PARN: variants seen among roughly 807,000 people sequenced by gnomAD.
PARN encodes poly(A)-specific ribonuclease.
A neutral mutation model predicts 102.8 loss-of-function variants in PARN; 71 were observed. That is an observed-to-expected ratio of 0.69 (90% CI 0.57 to 0.84). The LOEUF (loss-of-function observed/expected upper bound fraction) is 0.84. PARN is among the 40% of genes least tolerant of loss of function. PARN has a pLI of 0.00. For missense variants in PARN, 782 were observed against 760.9 expected (o/e 1.03, Z -0.33); for synonymous variants, 261 against 252.9 (o/e 1.03, Z -0.30).
At chr16:14,561,216 A>T (rs908880302) in intron 18 of PARN, among the ~76,000 whole-genome samples, 1 of 152,060 alleles carries the variant, frequency 6.6e-6, no homozygotes, top group Non-Finnish European at 1.5e-5. Context: ...CTGCCTAAGA[A>T]GGCTCATTAG....
intron 18 of PARN, among the ~76,000 whole-genome samples, chr16:14,563,071 G>A (rs1185637747): frequency 6.6e-6 from 1 of 152,102 alleles, no homozygotes; most frequent in East Asian, 1.9e-4. Context: ...CAGTCCTAAA[G>A]GTGATTCAGG....
At chr16:14,507,872 A>T (rs963028730) in intron 21 of PARN, among the ~76,000 whole-genome samples, 5 of 152,244 alleles carry the variant, frequency 3.3e-5, no homozygotes. Flanking sequence ...TTGATGGCTT[A>T]TCTAATGCAG....
intron 21 of PARN, among the ~76,000 whole-genome samples, chr16:14,490,428 G>T (rs189166810): frequency 1.3e-5 from 2 of 152,318 alleles, no homozygotes; most frequent in African/African-American, 2.4e-5. Context: ...ACATCTGTCT[G>T]CAAGGAAGCA....
chr16:14,442,996 A>T (rs1383567841), intron 23 of PARN, among the ~76,000 whole-genome samples: 1 of 152,222 alleles, frequency 6.6e-6, no homozygotes. Flanking sequence ...CATTTCCTCT[A>T]AAGTCTGGAT....
At chr16:14,501,801 G>A (rs1307629452) in intron 21 of PARN, 1 of 152,262 alleles carries the variant, frequency 6.6e-6, no homozygotes, top group Non-Finnish European at 1.5e-5. Context: ...TTAGGAAGCA[G>A]CTACCTGAAT....
intron 13 of PARN, among the ~76,000 whole-genome samples, chr16:14,588,936 T>C (rs1168145540): frequency 2.0e-5 from 3 of 151,330 alleles, no homozygotes; most frequent in Non-Finnish European, 2.9e-5. Context: ...TCCCAGAGCA[T>C]TGGGAGGCCA....
chr16:14,524,672 T>C (rs1240111881), intron 21 of PARN, among the ~76,000 whole-genome samples: 1 of 152,216 alleles, frequency 6.6e-6, no homozygotes, highest in Non-Finnish European at 1.5e-5. Flanking sequence ...TCCCAAACAT[T>C]ATTCAATTAA....
intron 22 of PARN, among the ~76,000 whole-genome samples, chr16:14,472,544 T>C (rs955814334): frequency 1.4e-4 from 22 of 152,196 alleles, no homozygotes; most frequent in Non-Finnish European, 2.6e-4. Flanking sequence ...TAGCCAAAAC[T>C]GGCAAAGAGG....
chr16:14,493,602 A>G (rs4548899), intron 21 of PARN, among the ~76,000 whole-genome samples: 152,094 of 152,328 alleles, frequency 1, 75,937 homozygotes, highest in Middle Eastern at 1. Flanking sequence ...CTGCAATCTG[A>G]AGGAAGAGTA....
chr16:14,448,718 G>T (rs1253476243), intron 22 of PARN, among the ~76,000 whole-genome samples: 1 of 152,204 alleles, frequency 6.6e-6, no homozygotes, highest in Non-Finnish European at 1.5e-5. Flanking sequence ...ACACTCAGGG[G>T]ACAGAGGAGA....
At chr16:14,519,007 G>A (rs899286143) in intron 21 of PARN, among the ~76,000 whole-genome samples, 2 of 151,924 alleles carry the variant, frequency 1.3e-5, no homozygotes, top group African/African-American at 4.8e-5. Context: ...TTATTAAATC[G>A]GTGGCGAATG....
intron 6 of PARN, among the ~76,000 whole-genome samples, chr16:14,613,692 C>T (rs1006862611): frequency 3.3e-5 from 5 of 152,148 alleles, no homozygotes; most frequent in East Asian, 3.9e-4. Flanking sequence ...TAGAAAACCA[C>T]CATCAGTCAA....
At chr16:14,510,487 G>A (rs1051040229) in intron 21 of PARN, among the ~76,000 whole-genome samples, 35 of 152,080 alleles carry the variant, frequency 2.3e-4, no homozygotes, top group South Asian at 2.1e-4. Flanking sequence ...AATTATATAG[G>A]ACTTTGTAAA....
chr16:14,617,235 T>C (rs999557900), intron 6 of PARN, among the ~76,000 whole-genome samples: 4 of 151,374 alleles, frequency 2.6e-5, no homozygotes, highest in African/African-American at 9.7e-5. Context: ...ATACAAAAAA[T>C]TAGCCAGGCG....
chr16:14,530,138 CAG>C (rs928423459), intron 21 of PARN, among the ~76,000 whole-genome samples: 19 of 152,206 alleles, frequency 1.2e-4, no homozygotes, highest in Non-Finnish European at 8.8e-5. Flanking sequence ...GCAAGGTGGA[CAG>C]AGAGAGGACT....
chr16:14,451,582 T>G (rs1438652721), intron 22 of PARN, among the ~76,000 whole-genome samples: 1 of 152,068 alleles, frequency 6.6e-6, no homozygotes, highest in Admixed American at 6.6e-5. Flanking sequence ...AAGGCTAAAC[T>G]AATCTTCAGA....
chr16:14,467,668 T>C (rs1418659305), intron 22 of PARN, among the ~76,000 whole-genome samples: 8 of 152,206 alleles, frequency 5.3e-5, no homozygotes, highest in Non-Finnish European at 8.8e-5. Context: ...GACCTAATAT[T>C]CCAAGGCATG....
intron 6 of PARN, among the ~76,000 whole-genome samples, chr16:14,613,156 A>G (rs372954450): frequency 2.7e-4 from 41 of 151,750 alleles, no homozygotes; most frequent in East Asian, 9.9e-4. Context: ...CTAAAAATAC[A>G]AAATTAGCCG....
intron 11 of PARN, among the ~76,000 whole-genome samples, chr16:14,603,837 A>C (rs1459823111): frequency 1.3e-5 from 2 of 152,240 alleles, no homozygotes; most frequent in Non-Finnish European, 2.9e-5. Context: ...ACATGAAGTT[A>C]GACGTTGCAG....
Sources: allele counts gnomAD v4.1 joint callset (sites outside exome capture counted in the v4.1 genomes callset), GRCh38; gene constraint gnomAD v4.1.1; transcripts MANE v1.5; gene names NCBI Gene and HGNC (gene_info 2026-07-23, HGNC 2026-07-21).